TIAM2: variants seen among roughly 807,000 people sequenced by gnomAD.
TIAM2 encodes TIAM Rac1 associated GEF 2.
In TIAM2, 80 loss-of-function variants were observed where a neutral mutation model predicts 152.9. The ratio of observed to expected loss-of-function variants is 0.52; its 90% confidence interval spans 0.44 to 0.63. TIAM2 has a LOEUF of 0.63. Among genes scored for constraint, TIAM2 ranks in the 30% least tolerant of loss-of-function variants. TIAM2 has a pLI of 0.00. For missense variants in TIAM2, 1,965 were observed against 2,120.1 expected (o/e 0.93, Z 1.44); for synonymous variants, 804 against 838.0 (o/e 0.96, Z 0.70).
chr6:155,017,159 C>T (rs1036502164), intron 1 of TIAM2, among the ~76,000 whole-genome samples: 4 of 152,120 alleles, frequency 2.6e-5, no homozygotes, highest in South Asian at 2.1e-4. Context: ...GGCAGTCTCC[C>T]GAGGAGTCTG....
intron 7 of TIAM2, among the ~76,000 whole-genome samples, chr6:155,162,371 T>G (rs948560176): frequency 6.6e-6 from 1 of 152,194 alleles, no homozygotes; most frequent in Non-Finnish European, 1.5e-5. Flanking sequence ...TTTAATGCAT[T>G]ATCCAATCTA....
chr6:155,188,249 A>T (rs555131828), intron 14 of TIAM2, among the ~76,000 whole-genome samples: 4 of 152,188 alleles, frequency 2.6e-5, no homozygotes, highest in Non-Finnish European at 5.9e-5. Context: ...TGCTTGGAAG[A>T]CACCATGTTC....
At chr6:155,160,386 T>C (rs1780238329) in intron 7 of TIAM2, among the ~76,000 whole-genome samples, 1 of 152,130 alleles carries the variant, frequency 6.6e-6, no homozygotes, top group African/African-American at 2.4e-5. Flanking sequence ...CCCACCCACA[T>C]TAGGGAAGGC....
intron 4 of TIAM2, among the ~76,000 whole-genome samples, chr6:155,132,172 A>T (rs553516614): frequency 6.8e-6 from 1 of 147,390 alleles, no homozygotes; most frequent in African/African-American, 2.5e-5. Flanking sequence ...TATAGGGGAG[A>T]AGCTTCTTTT....
intron 15 of TIAM2, among the ~76,000 whole-genome samples, chr6:155,226,676 G>A (rs536129970): frequency 6.6e-5 from 10 of 151,700 alleles, no homozygotes; most frequent in Admixed American, 5.3e-4. Flanking sequence ...GGGTGGGGGC[G>A]GGGGGCAGGG....
At chr6:155,189,116 C>A (rs972777614) in intron 14 of TIAM2, among the ~76,000 whole-genome samples, 1 of 152,174 alleles carries the variant, frequency 6.6e-6, no homozygotes, top group African/African-American at 2.4e-5. Context: ...CATTATATAG[C>A]TTCTCACCAG....
At chr6:155,120,430 A>G (rs1490312229) in intron 2 of TIAM2, among the ~76,000 whole-genome samples, 1 of 152,174 alleles carries the variant, frequency 6.6e-6, no homozygotes, top group Non-Finnish European at 1.5e-5. Flanking sequence ...CTGCCTCTTT[A>G]TATAAATTGG....
chr6:155,137,037 T>C (rs995172294), intron 4 of TIAM2, 140 bp from the exon 5 acceptor site: 52 of 900,272 alleles, frequency 5.8e-5, no homozygotes, highest in Non-Finnish European at 8.3e-5. Context: ...ACTTGATGGT[T>C]AAAGATGTAT....
chr6:155,078,772 G>A (rs751777826), intron 1 of TIAM2, among the ~76,000 whole-genome samples: 2 of 152,096 alleles, frequency 1.3e-5, no homozygotes, highest in African/African-American at 4.8e-5. Context: ...TATCTCTCTG[G>A]AAGTAGATTC....
intron 1 of TIAM2, among the ~76,000 whole-genome samples, chr6:155,012,553 T>C (rs1020384005): frequency 2.0e-5 from 3 of 152,178 alleles, no homozygotes; most frequent in African/African-American, 7.2e-5. Context: ...TAAAATTTAT[T>C]TTATTTTATT....
chr6:155,225,244 A>G (rs1002904720), intron 15 of TIAM2, among the ~76,000 whole-genome samples: 2 of 152,088 alleles, frequency 1.3e-5, no homozygotes, highest in African/African-American at 2.4e-5. Flanking sequence ...GCATGAGCCA[A>G]TGCACTCAGC....
intron 14 of TIAM2, among the ~76,000 whole-genome samples, chr6:155,210,114 G>C (rs903510159): frequency 6.6e-6 from 1 of 152,182 alleles, no homozygotes; most frequent in Admixed American, 6.5e-5. Flanking sequence ...TTTGATAGAG[G>C]CTGGTCTTTC....
intron 9 of TIAM2, among the ~76,000 whole-genome samples, chr6:155,168,615 C>T (rs1780500231): frequency 6.6e-6 from 1 of 151,972 alleles, no homozygotes; most frequent in Non-Finnish European, 1.5e-5. Flanking sequence ...CCTCAGCCTC[C>T]CAAAGTGCTG....
At chr6:155,166,773 T>C (rs745585458) in intron 9 of TIAM2, among the ~76,000 whole-genome samples, 8 of 152,238 alleles carry the variant, frequency 5.3e-5, no homozygotes, top group Non-Finnish European at 1.2e-4. Flanking sequence ...ATGGACTTTA[T>C]CTTGCTGATT....
intron 1 of TIAM2, among the ~76,000 whole-genome samples, chr6:155,068,314 G>C (rs908741082): frequency 6.6e-6 from 1 of 152,116 alleles, no homozygotes; most frequent in African/African-American, 2.4e-5. Context: ...ATCTGGGAGT[G>C]GAAATTTCTG....
At chr6:155,253,245 C>CT in intron 24 of TIAM2, 192 bp downstream of exon 24, 1 of 513,844 alleles carries the variant, frequency 1.9e-6, no homozygotes, top group South Asian at 3.5e-5. Context: ...TGGTGGATAG[C>CT]TTTTTCTTTG....
At chr6:155,216,885 G>A (rs1301915380) in intron 15 of TIAM2, 5 of 1,167,554 alleles carry the variant, frequency 4.3e-6, no homozygotes, top group Non-Finnish European at 1.1e-6. Context: ...CCAATCACCG[G>A]TGCTGCTGTG....
rs10667680 is a variant in TIAM2 at position 155,086,708 on chromosome 6, G to GAAA, written c.-208-3567_-208-3565dup. ...GGCAACAGAGTGAGGCTCCATCTTG[G>GAAA]AAAAAAAAAAAAAAAACCCCAACAA... On this transcript the variant is annotated intron_variant, in intron 1 of 26. Transcript: ENST00000682666. 6.4e-3 allele frequency among the ~76,000 whole-genome samples: 855 copies of GAAA among 133,226 alleles called. 6 individuals carry two copies. The highest frequency in any genetic ancestry group is 0.016 in the South Asian group (66 of 4,034). 87.4% of individuals were successfully genotyped at this position (133,226 alleles called of 152,430 possible).
chr6:155,218,090 C>T lies in TIAM2; in HGVS notation c.3168+6783C>T, dbSNP rs577770082. ...TGGTGTATACTTGCCTGCATTATTG[C>T]AAGATCTTTTTGGTTATGTTTTTGT... On this transcript the variant is annotated intron_variant, in intron 15 of 26. Coordinates refer to ENST00000682666, the MANE Select transcript of TIAM2 (RefSeq NM_012454.4). This position sits in a 1 kb window ranked among gnomAD's most constrained non-coding sequence, Gnocchi z 4.5. 6.6e-6 allele frequency among the ~76,000 whole-genome samples: 1 copy of T among 152,296 alleles called. No homozygotes were observed. Among genetic ancestry groups the T allele is most frequent in the South Asian group, 2.1e-4 (1 of 4,834 alleles).
Sources: allele counts gnomAD v4.1 joint callset (sites outside exome capture counted in the v4.1 genomes callset), GRCh38; gene constraint gnomAD v4.1.1; non-coding constraint Gnocchi (gnomAD v3.1); transcripts MANE v1.5; gene names NCBI Gene and HGNC (gene_info 2026-07-23, HGNC 2026-07-21).